The following MDGA2 variants were observed in gnomAD, a reference collection of about 807,000 sequenced individuals.
MDGA2 encodes MAM domain containing glycosylphosphatidylinositol anchor 2.
A neutral mutation model predicts 117.8 loss-of-function variants in MDGA2; 40 were observed. That is an observed-to-expected ratio of 0.34 (90% confidence interval 0.26 to 0.44). The LOEUF is 0.44. Ranked by LOEUF, MDGA2 falls within the 20% of genes least tolerant of loss-of-function variation. MDGA2 has a pLI of 1.00. For synonymous variants in MDGA2, 452 were observed against 439.0 expected, an observed-to-expected ratio of 1.03 and a Z score of -0.37; for missense variants, 1,123 against 1,250.6, an observed-to-expected ratio of 0.90 and a Z score of 1.54.
intron 1 of MDGA2, among the ~76,000 whole-genome samples, chr14:47,589,943 T>G (rs549789025): frequency 6.6e-6 from 1 of 152,068 alleles, no homozygotes; most frequent in African/African-American, 2.4e-5. Context: ...TGCAATTGCT[T>G]TCTTAATACC....
chr14:47,674,965 G>A lies in MDGA2; in HGVS notation c.-169C>T, dbSNP rs1234825563. The stretch of plus-strand genomic sequence containing the variant: ...GCTGCGAGGCGAAGTGTTCTTCAGG[G>A]AAGCGGGCTCGAGTCTCCGCAGCTG... On this transcript the variant is annotated 5_prime_UTR_variant, in exon 1 of 17. Coordinates refer to ENST00000399232, the MANE Select transcript of MDGA2 (RefSeq NM_001113498.3). The A allele has an allele frequency of 2.3e-6, 1 of 434,278 alleles. No homozygotes were observed. The highest frequency in any genetic ancestry group is 4.4e-5 in the Admixed American group (1 of 22,560). The allele number at this position is 434,278 out of a possible 1,614,324, so 26.9% of individuals were successfully genotyped here.
chr14:46,886,286 T>A (rs1359358641), intron 10 of MDGA2, among the ~76,000 whole-genome samples: 1 of 152,038 alleles, frequency 6.6e-6, no homozygotes, highest in Non-Finnish European at 1.5e-5. Context: ...ATAATGAAAT[T>A]GTAGACTCTT....
chr14:47,489,297 A>C (rs1894120256), intron 1 of MDGA2, among the ~76,000 whole-genome samples: 1 of 152,096 alleles, frequency 6.6e-6, no homozygotes, highest in Admixed American at 6.6e-5. Context: ...AAATTCATTA[A>C]GTTATGGTTG....
intron 1 of MDGA2, among the ~76,000 whole-genome samples, chr14:47,528,505 A>G (rs1252948691): frequency 6.6e-6 from 1 of 152,236 alleles, no homozygotes; most frequent in Non-Finnish European, 1.5e-5. Flanking sequence ...TAAAAGAAGG[A>G]GATCATGGTC....
intron 1 of MDGA2, among the ~76,000 whole-genome samples, chr14:47,462,375 C>CTAAA (rs1893507477): frequency 1.2e-4 from 12 of 96,018 alleles, no homozygotes; most frequent in East Asian, 1.0e-3. Flanking sequence ...GACTCCGTCC[C>CTAAA]AAAAAAAAAA....
At chr14:47,513,812 G>C (rs1894694529) in intron 1 of MDGA2, among the ~76,000 whole-genome samples, 3 of 151,940 alleles carry the variant, frequency 2.0e-5, no homozygotes. Flanking sequence ...ATATTAAATG[G>C]TTTCTCCAAA....
At chr14:47,396,257 C>T (rs1373251250) in intron 1 of MDGA2, among the ~76,000 whole-genome samples, 1 of 152,030 alleles carries the variant, frequency 6.6e-6, no homozygotes, top group Non-Finnish European at 1.5e-5. Context: ...TTCTAGACTC[C>T]TATATGTATT....
intron 1 of MDGA2, among the ~76,000 whole-genome samples, chr14:47,504,363 C>T (rs1244031130): frequency 6.6e-6 from 1 of 152,088 alleles, no homozygotes; most frequent in Non-Finnish European, 1.5e-5. Flanking sequence ...GTTTTGATAA[C>T]ATTTACAACA....
At chr14:47,655,937 C>T (rs139025413) in intron 1 of MDGA2, among the ~76,000 whole-genome samples, 61 of 152,268 alleles carry the variant, frequency 4.0e-4, no homozygotes, top group Non-Finnish European at 6.2e-4. Context: ...TGTGACAAGC[C>T]ACACGTAAAG....
chr14:47,172,640 C>G (rs895488736), intron 3 of MDGA2, among the ~76,000 whole-genome samples: 5 of 152,082 alleles, frequency 3.3e-5, no homozygotes, highest in Non-Finnish European at 5.9e-5. Context: ...ACACCAAAAA[C>G]CCATCTGTAC....
At chr14:46,962,626 A>C (rs1390131926) in intron 8 of MDGA2, among the ~76,000 whole-genome samples, 3 of 148,940 alleles carry the variant, frequency 2.0e-5, no homozygotes, top group Non-Finnish European at 4.4e-5. Flanking sequence ...TAATTTTACA[A>C]TATTGTCCAG....
At chr14:47,091,921 T>A (rs1879680062) in intron 6 of MDGA2, among the ~76,000 whole-genome samples, 1 of 151,914 alleles carries the variant, frequency 6.6e-6, no homozygotes, top group Admixed American at 6.6e-5. Flanking sequence ...TGGAACAACC[T>A]CCCCACCACA....
chr14:47,114,342 T>C (rs1013909996), intron 5 of MDGA2, among the ~76,000 whole-genome samples: 14 of 152,150 alleles, frequency 9.2e-5, no homozygotes, highest in African/African-American at 3.4e-4. Flanking sequence ...AAAATGGTCA[T>C]CCTGCCCAAT....
At chr14:46,970,753 C>A (rs527812843) in intron 8 of MDGA2, among the ~76,000 whole-genome samples, 2 of 152,234 alleles carry the variant, frequency 1.3e-5, no homozygotes, top group African/African-American at 4.8e-5. Context: ...AATGAACTGA[C>A]AACCTGCTGA....
At chr14:46,873,680 C>T (rs1456108092) in intron 13 of MDGA2, 89 bp from the exon 14 acceptor site, 17 of 1,203,094 alleles carry the variant, frequency 1.4e-5, no homozygotes, top group African/African-American at 7.7e-5. Context: ...AGTTTTCATA[C>T]AAAATAAAGA....
chr14:46,892,074 TGTTTTTTAAATAAGCTTATTTAAA>T (rs1882905972), intron 10 of MDGA2, among the ~76,000 whole-genome samples: 2 of 151,914 alleles, frequency 1.3e-5, no homozygotes, highest in Admixed American at 1.3e-4. Context: ...TTATTAAAAA[TGTTTTTTAAATAAGCTTATTTAAA>T]GAAAATAATA....
At chr14:46,932,562 A>G (rs1001549529) in intron 9 of MDGA2, among the ~76,000 whole-genome samples, 1 of 152,122 alleles carries the variant, frequency 6.6e-6, no homozygotes, top group Admixed American at 6.6e-5. Flanking sequence ...TTCCTGTATT[A>G]ATATTTTATA....
intron 1 of MDGA2, among the ~76,000 whole-genome samples, chr14:47,581,718 C>A (rs1896231752): frequency 1.3e-5 from 2 of 151,836 alleles, no homozygotes; most frequent in Admixed American, 1.3e-4. Context: ...AAAGAACATG[C>A]CCCAGTGGCC....
intron 1 of MDGA2, among the ~76,000 whole-genome samples, chr14:47,630,875 CAG>C (rs1272922857): frequency 6.6e-6 from 1 of 152,150 alleles, no homozygotes; most frequent in African/African-American, 2.4e-5. Flanking sequence ...TCCTATATTC[CAG>C]AGAGTATGGT....
Sources: allele counts gnomAD v4.1 joint callset (sites outside exome capture counted in the v4.1 genomes callset), GRCh38; gene constraint gnomAD v4.1.1; transcripts MANE v1.5; gene names NCBI Gene and HGNC (gene_info 2026-07-23, HGNC 2026-07-21).